Variants in PPP2R5A observed in about 807,000 individuals in gnomAD.
The protein encoded by PPP2R5A is serine/threonine-protein phosphatase 2A 56 kDa regulatory subunit alpha isoform.
A neutral mutation model predicts 64.2 loss-of-function variants in PPP2R5A; 25 were observed. That is an observed-to-expected ratio of 0.39 (90% CI 0.28 to 0.54). The LOEUF is 0.54. Ranked by LOEUF, PPP2R5A falls within the 20% of genes least tolerant of loss-of-function variation. The pLI is 0.67. For missense variants in PPP2R5A, 425 were observed against 576.3 expected (o/e 0.74, Z 2.69); for synonymous variants, 198 against 201.2 (o/e 0.98, Z 0.13).
At chr1:212,309,689 T>C (rs570007370) in intron 1 of PPP2R5A, among the ~76,000 whole-genome samples, 9 of 152,344 alleles carry the variant, frequency 5.9e-5, no homozygotes, top group Non-Finnish European at 7.3e-5. Flanking sequence ...TCCTGTTTCT[T>C]TGTGCGTTTT....
At chr1:212,295,742 A>G (rs1315827938) in intron 1 of PPP2R5A, among the ~76,000 whole-genome samples, 1 of 152,152 alleles carries the variant, frequency 6.6e-6, no homozygotes, top group Non-Finnish European at 1.5e-5. Flanking sequence ...ACAGTGGATA[A>G]CTGTGGACAA....
At chr1:212,318,610 C>T (rs867149288) in intron 1 of PPP2R5A, among the ~76,000 whole-genome samples, 1 of 152,148 alleles carries the variant, frequency 6.6e-6, no homozygotes, top group Admixed American at 6.5e-5. Context: ...CTGAATTGCT[C>T]CTTGGTTAAT....
rs1278938816 is a variant in PPP2R5A, at chr1:212,356,897, A to T, written c.979-53A>T. On this transcript the variant is annotated intron_variant, in intron 9 of 12. Transcript: ENST00000261461. ...ACCTTCTCATTTGTATGGTTTCTATATTAGTTTCACATAATTTATCATGTT... is the reference window on the plus strand; with the variant it reads ...ACCTTCTCATTTGTATGGTTTCTATTTTAGTTTCACATAATTTATCATGTT... 3 of 1,412,562 alleles carry T rather than the reference A, an allele frequency of 2.1e-6. No homozygotes were observed. In the Admixed American group the frequency reaches 7.4e-5, roughly 35 times the overall value. The allele number at this position is 1,412,562 out of a possible 1,614,324, so 87.5% of individuals were successfully genotyped here. A position where few individuals can be genotyped will look rare whatever the true frequency, so the allele number is the denominator to read the frequency against.
At chr1:212,313,585 A>G (rs12076639) in intron 1 of PPP2R5A, among the ~76,000 whole-genome samples, 17,641 of 151,692 alleles carry the variant, frequency 0.12, 2,598 homozygotes, top group African/African-American at 0.35. Flanking sequence ...TTTCGGAACT[A>G]ATTTTTGTGT....
intron 1 of PPP2R5A, among the ~76,000 whole-genome samples, chr1:212,296,998 A>G (rs12124582): frequency 0.15 from 23,445 of 151,842 alleles, 2,504 homozygotes; most frequent in East Asian, 0.36. Context: ...ACTGAAGCAA[A>G]GTTGAGTACC....
At chr1:212,313,184 T>C (rs1445842313) in intron 1 of PPP2R5A, among the ~76,000 whole-genome samples, 3 of 152,208 alleles carry the variant, frequency 2.0e-5, no homozygotes, top group East Asian at 1.9e-4. Flanking sequence ...TGGGGCTTTG[T>C]TTTCCTTCCC....
chr1:212,354,651 A>G (rs1050584884), intron 8 of PPP2R5A, among the ~76,000 whole-genome samples: 1 of 151,938 alleles, frequency 6.6e-6, no homozygotes, highest in African/African-American at 2.4e-5. Context: ...CAAGGTTACA[A>G]TGACCTCTGA....
At chr1:212,329,593 C>T (rs1386572108) in intron 2 of PPP2R5A, among the ~76,000 whole-genome samples, 1 of 152,112 alleles carries the variant, frequency 6.6e-6, no homozygotes, top group Admixed American at 6.6e-5. Context: ...TGGGATTATA[C>T]AGATTGATAG....
intron 1 of PPP2R5A, among the ~76,000 whole-genome samples, chr1:212,293,366 A>G (rs1366677683): frequency 6.6e-6 from 1 of 152,230 alleles, no homozygotes; most frequent in Non-Finnish European, 1.5e-5. Flanking sequence ...TTCTAAGTTT[A>G]AGATGCAATC....
intron 10 of PPP2R5A, 32 bp downstream of exon 10, chr1:212,357,101 C>T (rs1205328570): frequency 6.3e-7 from 1 of 1,588,466 alleles, no homozygotes; most frequent in Non-Finnish European, 8.5e-7. Context: ...CTTTACTTTA[C>T]ACTAGTATTT....
chr1:212,287,091 A>G (rs1431554325), intron 1 of PPP2R5A, among the ~76,000 whole-genome samples: 2 of 152,178 alleles, frequency 1.3e-5, no homozygotes, highest in Non-Finnish European at 2.9e-5. Flanking sequence ...ACAGGAATTC[A>G]AATTGGTATC....
chr1:212,351,102 CAAAAAA>C (rs58625826), intron 8 of PPP2R5A, among the ~76,000 whole-genome samples: 1 of 103,742 alleles, frequency 9.6e-6, no homozygotes, highest in Non-Finnish European at 2.6e-5. Context: ...CGAGATGACA[CAAAAAA>C]AAAAACAAAA....
In PPP2R5A at chr1:212,295,994, T is replaced by C. The variant is rs565684428; in HGVS notation, c.181+9703T>C. Among the ~76,000 whole-genome samples, 17 of 151,880 alleles carry C rather than the reference T, an allele frequency of 1.1e-4. No homozygotes were observed. In the East Asian group the frequency reaches 3.1e-3, roughly 28 times the overall value. On this transcript the variant is annotated intron_variant, in intron 1 of 12. Coordinates refer to ENST00000261461, the MANE Select transcript of PPP2R5A (RefSeq NM_006243.4). ...GAAGAAGATTTTTAGGAGGACAAGTTAGGAGATTAATAAGCCAGGTAAGAC... is the reference window on the plus strand; with the variant it reads ...GAAGAAGATTTTTAGGAGGACAAGTCAGGAGATTAATAAGCCAGGTAAGAC...
At chr1:212,320,218 C>T (rs1659244685) in intron 1 of PPP2R5A, among the ~76,000 whole-genome samples, 1 of 151,988 alleles carries the variant, frequency 6.6e-6, no homozygotes, top group Non-Finnish European at 1.5e-5. Context: ...TCCATTCAAC[C>T]CTGAGTGGAC....
At chr1:212,328,043 G>A (rs190543496) in intron 1 of PPP2R5A, among the ~76,000 whole-genome samples, 23 of 152,374 alleles carry the variant, frequency 1.5e-4, no homozygotes, top group African/African-American at 5.5e-4. Flanking sequence ...TCGAACTCAT[G>A]ACCTCAAGTG....
At chr1:212,337,330 C>T (rs146515309) in intron 3 of PPP2R5A, among the ~76,000 whole-genome samples, 1,812 of 152,180 alleles carry the variant, frequency 0.012, 26 homozygotes, top group Non-Finnish European at 0.015. Context: ...TGTGTATTTT[C>T]ACTTTCTTTT....
At chr1:212,290,371 A>G (rs1658578483) in intron 1 of PPP2R5A, among the ~76,000 whole-genome samples, 3 of 152,230 alleles carry the variant, frequency 2.0e-5, no homozygotes, top group Admixed American at 6.5e-5. Context: ...CAAAGTTACT[A>G]TCATTCCATC....
At chr1:212,357,719 C>T (rs190825010) in intron 11 of PPP2R5A, among the ~76,000 whole-genome samples, 3 of 150,836 alleles carry the variant, frequency 2.0e-5, no homozygotes, top group East Asian at 4.0e-4. Flanking sequence ...AGGAGAATGG[C>T]ATGAACCTGG....
chr1:212,322,880 G>C (rs1659335702), intron 1 of PPP2R5A, among the ~76,000 whole-genome samples: 1 of 152,088 alleles, frequency 6.6e-6, no homozygotes, highest in African/African-American at 2.4e-5. Flanking sequence ...CCGCCTCCCA[G>C]GTTCACACCA....
Sources: gnomAD v4.1 joint callset for allele counts (sites outside exome capture counted in the v4.1 genomes callset) on GRCh38, gnomAD v4.1.1 for gene constraint, MANE v1.5 for transcripts, NCBI Gene and HGNC (gene_info 2026-07-23, HGNC 2026-07-21) for gene names.